Variants in ANKIB1 observed in about 807,000 individuals in gnomAD.
The protein encoded by ANKIB1 is ankyrin repeat and IBR domain containing 1.
A neutral mutation model predicts 122.1 loss-of-function variants in ANKIB1; 43 were observed. That is an observed-to-expected ratio of 0.35 (90% CI 0.28 to 0.45). ANKIB1 has a LOEUF of 0.45. Ranked by LOEUF, ANKIB1 falls within the 20% of genes least tolerant of loss-of-function variation. ANKIB1 has a pLI of 1.00. For synonymous variants in ANKIB1, 390 were observed against 442.0 expected (o/e 0.88, Z 1.48); for missense variants, 992 against 1,329.5 (o/e 0.75, Z 3.95).
At chr7:92,263,742 A>G (rs898217078) in intron 1 of ANKIB1, among the ~76,000 whole-genome samples, 15 of 152,202 alleles carry the variant, frequency 9.9e-5, no homozygotes, top group African/African-American at 3.6e-4. Context: ...AAATACATAC[A>G]TACATACATG....
chr7:92,340,404 A>C (rs1803411135), intron 5 of ANKIB1, among the ~76,000 whole-genome samples: 1 of 152,220 alleles, frequency 6.6e-6, no homozygotes, highest in Admixed American at 6.5e-5. Flanking sequence ...AGAATAGTAA[A>C]TCCAATTTAC....
At chr7:92,265,695 G>T (rs1044744253) in intron 1 of ANKIB1, among the ~76,000 whole-genome samples, 3 of 152,188 alleles carry the variant, frequency 2.0e-5, no homozygotes, top group African/African-American at 7.2e-5. Flanking sequence ...GGAAGGTTTG[G>T]TCATATTCAT....
At chr7:92,301,852 T>C (rs563323838) in intron 2 of ANKIB1, among the ~76,000 whole-genome samples, 1 of 152,330 alleles carries the variant, frequency 6.6e-6, no homozygotes, top group African/African-American at 2.4e-5. Context: ...AGTTGATGAC[T>C]ATTACTTTCT....
intron 1 of ANKIB1, among the ~76,000 whole-genome samples, chr7:92,264,426 C>T (rs992935103): frequency 1.3e-5 from 2 of 151,798 alleles, no homozygotes; most frequent in Non-Finnish European, 2.9e-5. Flanking sequence ...GAGACAGAGT[C>T]TTGCCCTGTC....
chr7:92,259,178 A>G (rs1801510288), intron 1 of ANKIB1, among the ~76,000 whole-genome samples: 1 of 151,694 alleles, frequency 6.6e-6, no homozygotes, highest in Non-Finnish European at 1.5e-5. Context: ...CTGGTCTCGG[A>G]CTCTTGAGCT....
chr7:92,247,894 A>C (rs976584814), intron 1 of ANKIB1, among the ~76,000 whole-genome samples: 1 of 151,880 alleles, frequency 6.6e-6, no homozygotes, highest in East Asian at 1.9e-4. Context: ...TTTCCCCCCA[A>C]CCTCCTTTCA....
At chr7:92,300,869 C>T (rs1452766410) in intron 2 of ANKIB1, among the ~76,000 whole-genome samples, 4 of 152,012 alleles carry the variant, frequency 2.6e-5, no homozygotes, top group Non-Finnish European at 5.9e-5. Context: ...TTACCCCTGA[C>T]CCTGGTTAAC....
chr7:92,358,837 G>C (rs1290983697), intron 9 of ANKIB1, among the ~76,000 whole-genome samples: 1 of 151,990 alleles, frequency 6.6e-6, no homozygotes, highest in African/African-American at 2.4e-5. Flanking sequence ...GCTTTATTGA[G>C]ATGCAAATGA....
intron 1 of ANKIB1, among the ~76,000 whole-genome samples, chr7:92,254,483 A>G (rs1244093682): frequency 6.6e-6 from 1 of 152,206 alleles, no homozygotes; most frequent in Non-Finnish European, 1.5e-5. Flanking sequence ...TATTTTCTCT[A>G]TAAACTGTCA....
At chr7:92,321,961 C>G (rs979189273) in intron 4 of ANKIB1, among the ~76,000 whole-genome samples, 2 of 152,136 alleles carry the variant, frequency 1.3e-5, no homozygotes, top group Non-Finnish European at 2.9e-5. Flanking sequence ...GTTGTGCTCT[C>G]CTCCCCACCT....
intron 1 of ANKIB1, among the ~76,000 whole-genome samples, chr7:92,253,501 A>G (rs1178508385): frequency 7.2e-5 from 11 of 152,176 alleles, no homozygotes; most frequent in Admixed American, 7.2e-4. Flanking sequence ...AGTCTTCCCA[A>G]CATGACCTCA....
chr7:92,336,768 C>A (rs1803298544), intron 5 of ANKIB1, among the ~76,000 whole-genome samples: 1 of 152,096 alleles, frequency 6.6e-6, no homozygotes, highest in Non-Finnish European at 1.5e-5. Context: ...AAAACTTGTA[C>A]AAATAGAAAC....
intron 1 of ANKIB1, among the ~76,000 whole-genome samples, chr7:92,267,416 T>C (rs1302991570): frequency 2.0e-5 from 3 of 152,208 alleles, no homozygotes; most frequent in Non-Finnish European, 2.9e-5. Context: ...GTGACTATTA[T>C]CATGACTTCA....
At chr7:92,313,759 C>G (rs950582177) in intron 3 of ANKIB1, among the ~76,000 whole-genome samples, 4 of 152,116 alleles carry the variant, frequency 2.6e-5, no homozygotes, top group South Asian at 4.1e-4. Context: ...CCAACCAGAC[C>G]TTCACATTCT....
At chr7:92,357,873 G>A (rs556743913) in intron 9 of ANKIB1, among the ~76,000 whole-genome samples, 151 of 152,158 alleles carry the variant, frequency 9.9e-4, no homozygotes, top group Non-Finnish European at 1.8e-3. Flanking sequence ...TAGTGGCATT[G>A]TTATTACTAT....
intron 9 of ANKIB1, among the ~76,000 whole-genome samples, chr7:92,355,083 C>A (rs1475250842): frequency 1.3e-5 from 2 of 152,168 alleles, no homozygotes; most frequent in African/African-American, 4.8e-5. Flanking sequence ...CCCTTCCCAC[C>A]ACAGGATACC....
chr7:92,398,451 A>G lies in ANKIB1; in HGVS notation c.2772A>G (p.Arg924=). 6.2e-7 allele frequency: 1 copy of G among 1,613,894 alleles called. No homozygotes were observed. Among genetic ancestry groups the G allele is most frequent in the Non-Finnish European group, 8.5e-7 (1 of 1,179,850 alleles). Residue 924 remains arginine, a synonymous_variant, in exon 20 of 20, where the codon AGA becomes AGG. Coordinates refer to ENST00000265742, the MANE Select transcript of ANKIB1 (RefSeq NM_019004.2). ...TGGAACTTGGTGACAGCCTCATGAG[A>G]CTAGGAGCAGAGAATGACCCATTTT... ...ELLELGDSLM[R]LGAENDPFST... is the part of the protein sequence containing the mutation.
rs201009594 is a variant in ANKIB1, at chr7:92,277,790, T to TA, written c.-90-17090dup. Among the ~76,000 whole-genome samples the TA allele has an allele frequency of 3.0e-3, 447 of 148,548 alleles. 4 individuals carry two copies. The highest frequency in any genetic ancestry group is 0.01 in the African/African-American group (421 of 40,430). ...AGGGAGACCTCTTCTCTACTAAAAA[T>TA]AAAAAAAAATAGGCCAGGCATGGTA... On this transcript the variant is annotated intron_variant, in intron 1 of 19. Coordinates refer to ENST00000265742, the MANE Select transcript of ANKIB1 (RefSeq NM_019004.2).
rs546023327 is a variant in ANKIB1 at position 92,266,796 on chromosome 7, A to G, written c.-91+20277A>G. ...TATGATTCACTATTAGCATCCACAC[A>G]TGGCAGAAGCCTACTGAGAGAAACA... On this transcript the variant is annotated intron_variant, in intron 1 of 19. Transcript: ENST00000265742. Among the ~76,000 whole-genome samples, 7 of 152,356 alleles carry G rather than the reference A, an allele frequency of 4.6e-5. No individual in the cohort carries two copies. In the South Asian group the frequency reaches 6.2e-4, roughly 14 times the overall value.
Sources: gnomAD v4.1 joint callset for allele counts (sites outside exome capture counted in the v4.1 genomes callset) on GRCh38, gnomAD v4.1.1 for gene constraint, MANE v1.5 for transcripts, NCBI Gene and HGNC (gene_info 2026-07-23, HGNC 2026-07-21) for gene names.